AJAP1: variants seen among roughly 807,000 people sequenced by gnomAD.
AJAP1 encodes adherens junction-associated protein 1.
A neutral mutation model predicts 35.0 loss-of-function variants in AJAP1; 5 were observed. That is an observed-to-expected ratio of 0.14 (90% confidence interval 0.07 to 0.30). AJAP1 has a LOEUF of 0.30. Among genes scored for constraint, AJAP1 ranks in the 10% least tolerant of loss-of-function variants. The probability of loss-of-function intolerance (pLI) is 1.00; values close to 1 mark genes in which losing one functional copy is unlikely to be tolerated. For missense variants in AJAP1, 586 were observed against 571.0 expected (o/e 1.03, Z -0.27); for synonymous variants, 284 against 249.3 (o/e 1.14, Z -1.31).
intron 2 of AJAP1, among the ~76,000 whole-genome samples, chr1:4,718,632 G>A (rs1570152092): frequency 6.6e-6 from 1 of 152,022 alleles, no homozygotes; most frequent in Non-Finnish European, 1.5e-5. Context: ...ATAGGCACGT[G>A]CCACTAAGCT....
intron 4 of AJAP1, among the ~76,000 whole-genome samples, chr1:4,773,554 C>T (rs1641885343): frequency 6.6e-6 from 1 of 152,204 alleles, no homozygotes; most frequent in South Asian, 2.1e-4. Context: ...CGTTCCCTTC[C>T]CTTCTGGAGG....
intron 2 of AJAP1, among the ~76,000 whole-genome samples, chr1:4,758,891 G>A (rs1238350620): frequency 1.3e-5 from 2 of 152,204 alleles, no homozygotes; most frequent in African/African-American, 4.8e-5. Context: ...GAGATCCCAG[G>A]ACAGAGCGGA....
Position 4,656,780 on chromosome 1 carries a change from T to C in AJAP1, c.29+1326T>C, listed in dbSNP as rs1197856865. On this transcript the variant is annotated intron_variant, in intron 1 of 5. Transcript: ENST00000378191. This position sits in a 1 kb window ranked among gnomAD's most constrained non-coding sequence, Gnocchi z 5.7. ...TGCTGTGGGCTTCAAAGGTTAATCATGGAGCCGATTGTGTTGGGTGTGGGA... is the reference window on the plus strand; with the variant it reads ...TGCTGTGGGCTTCAAAGGTTAATCACGGAGCCGATTGTGTTGGGTGTGGGA... Among the ~76,000 whole-genome samples the C allele has an allele frequency of 2.0e-5, 3 of 152,320 alleles. No individual in the cohort carries two copies. The highest frequency in any genetic ancestry group is 4.1e-4 in the South Asian group (2 of 4,824).
At chr1:4,732,201 A>G (rs1640816454) in intron 2 of AJAP1, among the ~76,000 whole-genome samples, 2 of 152,222 alleles carry the variant, frequency 1.3e-5, no homozygotes, top group Admixed American at 1.3e-4. Flanking sequence ...GCACAGCCAA[A>G]TTCTCCTTTC....
At chr1:4,762,178 C>T (rs1419267834) in intron 2 of AJAP1, among the ~76,000 whole-genome samples, 1 of 152,226 alleles carries the variant, frequency 6.6e-6, no homozygotes, top group Non-Finnish European at 1.5e-5. Flanking sequence ...CAGTGAGGGG[C>T]TGAAGCCTGG....
chr1:4,775,299 G>A (rs1033496890), intron 5 of AJAP1, among the ~76,000 whole-genome samples: 5 of 152,108 alleles, frequency 3.3e-5, no homozygotes, highest in African/African-American at 1.2e-4. Flanking sequence ...CATTCTATAA[G>A]CACAGCCCAT....
chr1:4,709,426 G>A (rs1013597321), intron 1 of AJAP1, among the ~76,000 whole-genome samples: 1 of 151,720 alleles, frequency 6.6e-6, no homozygotes, highest in African/African-American at 2.4e-5. Flanking sequence ...GGCCTGGTGA[G>A]GTCTGGTGAG....
chr1:4,772,855 G>C (rs1641867662), intron 4 of AJAP1, among the ~76,000 whole-genome samples: 1 of 152,162 alleles, frequency 6.6e-6, no homozygotes, highest in Admixed American at 6.5e-5. Flanking sequence ...CCAGCCCCGT[G>C]GTTATTGGCC....
intron 1 of AJAP1, among the ~76,000 whole-genome samples, chr1:4,696,859 A>T (rs1014658113): frequency 6.7e-6 from 1 of 149,452 alleles, no homozygotes; most frequent in Admixed American, 6.6e-5. Context: ...TGCACACAAG[A>T]TGTGTTTGTG....
chr1:4,670,924 A>T (rs2100515783), intron 1 of AJAP1, among the ~76,000 whole-genome samples: 1 of 152,306 alleles, frequency 6.6e-6, no homozygotes, highest in South Asian at 2.1e-4. Context: ...CAGACCCAAG[A>T]CTTCAGTACC....
rs116339732 is a variant in AJAP1, at chr1:4,681,737, A to G, written c.29+26283A>G. Among the ~76,000 whole-genome samples the G allele has an allele frequency of 1.8e-3, 281 of 152,254 alleles. 2 individuals are homozygous for G. Among genetic ancestry groups the G allele is most frequent in the African/African-American group, 6.4e-3 (266 of 41,560 alleles). The stretch of plus-strand genomic sequence containing the variant: ...CCCTGGATTTGTCCCCCTCTGCTCT[A>G]AAGGAGAGGCAGACCACGTGCAGGA... On this transcript the variant is annotated intron_variant, in intron 1 of 5. Coordinates refer to ENST00000378191, the MANE Select transcript of AJAP1 (RefSeq NM_018836.4).
At chr1:4,742,271 G>A (rs1022003648) in intron 2 of AJAP1, among the ~76,000 whole-genome samples, 3 of 152,170 alleles carry the variant, frequency 2.0e-5, no homozygotes, top group Non-Finnish European at 2.9e-5. Flanking sequence ...CAGCTCCTGC[G>A]CTGCCTGATT....
chr1:4,747,711 C>T (rs965751413), intron 2 of AJAP1, among the ~76,000 whole-genome samples: 23 of 152,294 alleles, frequency 1.5e-4, no homozygotes, highest in Middle Eastern at 3.4e-3. Context: ...CTTCGTTGGC[C>T]GGGCATGATG....
intron 2 of AJAP1, among the ~76,000 whole-genome samples, chr1:4,760,740 G>A (rs1472906031): frequency 2.0e-5 from 3 of 152,214 alleles, no homozygotes; most frequent in Non-Finnish European, 4.4e-5. Context: ...GTGTCTAAGC[G>A]TTTCTGTTTG....
intron 1 of AJAP1, among the ~76,000 whole-genome samples, chr1:4,679,640 C>T (rs984174110): frequency 1.3e-5 from 2 of 152,156 alleles, no homozygotes; most frequent in African/African-American, 2.4e-5. Context: ...CCTCTTCCAG[C>T]TTCTGGTGGT....
At chr1:4,713,282 G>C (rs928635022) in intron 2 of AJAP1, among the ~76,000 whole-genome samples, 1 of 152,204 alleles carries the variant, frequency 6.6e-6, no homozygotes, top group Non-Finnish European at 1.5e-5. Flanking sequence ...GGTGTTAACA[G>C]AACCTTCGCA....
intron 2 of AJAP1, among the ~76,000 whole-genome samples, chr1:4,729,813 G>T (rs1427164046): frequency 6.6e-6 from 1 of 152,188 alleles, no homozygotes; most frequent in African/African-American, 2.4e-5. Flanking sequence ...TCAACCCATT[G>T]CACTTGTTGT....
At chr1:4,687,946 A>AG (rs1224318782) in intron 1 of AJAP1, among the ~76,000 whole-genome samples, 3 of 152,238 alleles carry the variant, frequency 2.0e-5, no homozygotes, top group African/African-American at 7.2e-5. Flanking sequence ...CAGCTGAGGA[A>AG]GGGGCTGCAG....
In AJAP1 at chr1:4,785,111, A is replaced by T. The variant is rs1251081149; in HGVS notation, c.*2626A>T. 1 of 152,338 alleles carries T rather than the reference A, an allele frequency of 6.6e-6. No homozygotes were observed. The highest frequency in any genetic ancestry group is 1.9e-4 in the East Asian group (1 of 5,204). 9.4% of individuals were successfully genotyped at this position (152,338 alleles called of 1,614,324 possible). A position where few individuals can be genotyped will look rare whatever the true frequency, so the allele number is the denominator to read the frequency against. On this transcript the variant is annotated 3_prime_UTR_variant, in exon 6 of 6. Coordinates refer to ENST00000378191, the MANE Select transcript of AJAP1 (RefSeq NM_018836.4). ...CCTGGTATCTGCTCTGTCAACTCCC[A>T]GCTGCTCAGCCCCCTTCTCTGACCA...
Sources: gnomAD v4.1 joint callset for allele counts (sites outside exome capture counted in the v4.1 genomes callset) on GRCh38, gnomAD v4.1.1 for gene constraint, Gnocchi (gnomAD v3.1) non-coding constraint, MANE v1.5 for transcripts, NCBI Gene and HGNC (gene_info 2026-07-23, HGNC 2026-07-21) for gene names.